Variants in ZNF536 observed in about 807,000 individuals in gnomAD.
ZNF536 encodes zinc finger protein 536.
In ZNF536, 13 loss-of-function variants were observed where a neutral mutation model predicts 84.5. The ratio of observed to expected loss-of-function variants is 0.15; its 90% CI spans 0.10 to 0.24. The LOEUF (loss-of-function observed/expected upper bound fraction) is 0.24. Among genes scored for constraint, ZNF536 ranks in the 10% least tolerant of loss-of-function variants. ZNF536 has a pLI of 1.00. For synonymous variants in ZNF536, 811 were observed against 742.5 expected, an observed-to-expected ratio of 1.09 and a Z score of -1.50; for missense variants, 1,536 against 1,747.5, an observed-to-expected ratio of 0.88 and a Z score of 2.16.
In ZNF536 at chr19:30,445,972, G is replaced by T. The variant is rs973494219; in HGVS notation, c.2170+240G>T. Among the ~76,000 whole-genome samples, 1 of 152,146 alleles carries T rather than the reference G, an allele frequency of 6.6e-6. No individual in the cohort carries two copies. The highest frequency in any genetic ancestry group is 1.5e-5 in the Non-Finnish European group (1 of 68,022). ...TACCAAGAAAGTAAGTTGAGGCCGG[G>T]TGTGGTGGCTCACGCCTGTAATCCC... On this transcript the variant is annotated intron_variant, in intron 2 of 4. Transcript: ENST00000355537. This position sits in a 1 kb window ranked among gnomAD's most constrained non-coding sequence, Gnocchi z 4.5.
chr19:30,524,356 T>C (rs772594612), intron 2 of ZNF536, among the ~76,000 whole-genome samples: 21 of 152,180 alleles, frequency 1.4e-4, no homozygotes, highest in African/African-American at 2.4e-5. Context: ...TTTACAATAA[T>C]TGGAACGGCT....
At chr19:30,371,571 TG>T (rs1304936639), upstream of ZNF536, among the ~76,000 whole-genome samples, 192 of 130,292 alleles carry the variant, frequency 1.5e-3, no homozygotes, top group African/African-American at 5.0e-3. Context: ...TTTTTTTTTT[TG>T]TTTTTTTTTT....
intron 1 of ZNF536, among the ~76,000 whole-genome samples, chr19:30,684,616 C>T (rs558873399): frequency 2.5e-4 from 38 of 152,290 alleles, no homozygotes; most frequent in African/African-American, 8.2e-4. Flanking sequence ...GATTTGATTC[C>T]TGGAACTCCA....
intron 2 of ZNF536, among the ~76,000 whole-genome samples, chr19:30,301,828 G>A (rs1355763111): frequency 2.8e-5 from 4 of 144,410 alleles, no homozygotes; most frequent in Non-Finnish European, 6.0e-5. Flanking sequence ...TATAATGTAT[G>A]ATGCTGAAAA....
chr19:30,379,770 G>A (rs933557255), intron 1 of ZNF536, among the ~76,000 whole-genome samples: 59 of 152,152 alleles, frequency 3.9e-4, no homozygotes, highest in African/African-American at 1.0e-3. Context: ...AGGGGATGCT[G>A]TAAGGGGTGC....
At chr19:30,671,174 G>C (rs911033684) in intron 1 of ZNF536, among the ~76,000 whole-genome samples, 12 of 152,340 alleles carry the variant, frequency 7.9e-5, no homozygotes, top group Non-Finnish European at 1.6e-4. Context: ...AGGTACCTAG[G>C]GGGTATAACT....
intron 2 of ZNF536, among the ~76,000 whole-genome samples, chr19:30,477,650 A>C (rs760943590): frequency 1.8e-4 from 27 of 152,346 alleles, no homozygotes; most frequent in Non-Finnish European, 2.9e-4. Context: ...TCTCACTGAC[A>C]GGGGCTGTGT....
intron 1 of ZNF536, among the ~76,000 whole-genome samples, chr19:30,645,981 G>T (rs559178121): frequency 1.8e-4 from 28 of 152,202 alleles, no homozygotes; most frequent in Admixed American, 1.0e-3. Context: ...TTGGAGCCCT[G>T]AGGACAGCAG....
chr19:30,251,313 A>G (rs2145082956), intron 1 of ZNF536, among the ~76,000 whole-genome samples: 1 of 152,324 alleles, frequency 6.6e-6, no homozygotes, highest in South Asian at 2.1e-4. Context: ...ATGATGGTTC[A>G]CAGGTGGAAC....
At chr19:30,587,882 T>A (rs527696191) in intron 1 of ZNF536, among the ~76,000 whole-genome samples, 4 of 152,258 alleles carry the variant, frequency 2.6e-5, no homozygotes, top group Non-Finnish European at 5.9e-5. Context: ...CAGTCTGAGG[T>A]CCAGAAGGTT....
At chr19:30,413,976 C>G (rs1184370995) in intron 1 of ZNF536, among the ~76,000 whole-genome samples, 1 of 151,496 alleles carries the variant, frequency 6.6e-6, no homozygotes, top group Non-Finnish European at 1.5e-5. Context: ...GCCTATAATC[C>G]CAGCTACTCA....
intron 2 of ZNF536, among the ~76,000 whole-genome samples, chr19:30,292,726 G>A (rs1180244625): frequency 6.6e-6 from 1 of 152,166 alleles, no homozygotes; most frequent in Non-Finnish European, 1.5e-5. Context: ...GGGAGAGGAA[G>A]CCAATTGAGG....
At chr19:30,654,430 C>T (rs892737775) in intron 1 of ZNF536, among the ~76,000 whole-genome samples, 1 of 151,876 alleles carries the variant, frequency 6.6e-6, no homozygotes, top group African/African-American at 2.4e-5. Context: ...TCACCCCATC[C>T]CCAGTCTCTC....
intron 1 of ZNF536, among the ~76,000 whole-genome samples, chr19:30,692,953 A>C (rs969198114): frequency 3.3e-5 from 5 of 152,150 alleles, no homozygotes; most frequent in African/African-American, 1.2e-4. Context: ...GATTTATTCA[A>C]GTAGTTGAAA....
In ZNF536 at chr19:30,704,924, CT is replaced by C. The variant is rs60002455; in HGVS notation, c.170-5818del. On this transcript the variant is annotated intron_variant, in intron 1 of 1. Coordinates refer to the ZNF536 transcript ENST00000592773. ...GGGACGTATTCAGCAGAGCTCAGCA[CT>C]TTTTTTTTTTTTTTCTGGAGCACTT... 2.9e-3 allele frequency among the ~76,000 whole-genome samples: 418 copies of C among 141,932 alleles called. 3 individuals carry two copies. The highest frequency in any genetic ancestry group is 0.014 in the Middle Eastern group (4 of 276). 93.1% of individuals were successfully genotyped at this position (141,932 alleles called of 152,430 possible).
At chr19:30,389,755 G>A (rs2002997) in intron 1 of ZNF536, among the ~76,000 whole-genome samples, 74,867 of 151,910 alleles carry the variant, frequency 0.49, 21,415 homozygotes, top group Non-Finnish European at 0.63. Context: ...TTTCTGTCCC[G>A]CCTAATAGCA....
intron 3 of ZNF536, among the ~76,000 whole-genome samples, chr19:30,546,148 G>T (rs1274302502): frequency 6.6e-6 from 1 of 152,180 alleles, no homozygotes; most frequent in Non-Finnish European, 1.5e-5. Flanking sequence ...CTGCCCAGAA[G>T]TGCCCCATCC....
intron 2 of ZNF536, among the ~76,000 whole-genome samples, chr19:30,500,561 G>A (rs978255107): frequency 2.6e-5 from 4 of 151,894 alleles, no homozygotes; most frequent in African/African-American, 9.7e-5. Flanking sequence ...ATGAATGTGG[G>A]TCTCACACAA....
intron 1 of ZNF536, among the ~76,000 whole-genome samples, chr19:30,246,175 A>T (rs1429403518): frequency 6.6e-6 from 1 of 152,124 alleles, no homozygotes; most frequent in Non-Finnish European, 1.5e-5. Context: ...GGGGGAAAGG[A>T]CTTTAAACCT....
Sources: gnomAD v4.1 joint callset for allele counts (sites outside exome capture counted in the v4.1 genomes callset) on GRCh38, gnomAD v4.1.1 for gene constraint, Gnocchi (gnomAD v3.1) non-coding constraint, MANE v1.5 for transcripts, NCBI Gene and HGNC (gene_info 2026-07-23, HGNC 2026-07-21) for gene names.